CACNA2D2: variants seen among roughly 807,000 people sequenced by gnomAD.
CACNA2D2 encodes the protein calcium voltage-gated channel auxiliary subunit alpha2delta 2.
In CACNA2D2, 48 loss-of-function variants were observed where a neutral mutation model predicts 166.4. That is an observed-to-expected ratio of 0.29 (90% CI 0.23 to 0.37). The LOEUF (loss-of-function observed/expected upper bound fraction) is 0.37, where lower values mean the gene tolerates loss of function less well. Ranked by LOEUF, CACNA2D2 falls within the 10% of genes least tolerant of loss-of-function variation. CACNA2D2 has a pLI of 1.00. For missense variants in CACNA2D2, 1,122 were observed against 1,433.0 expected, an observed-to-expected ratio of 0.78 and a Z score of 3.50; for synonymous variants, 561 against 573.7, an observed-to-expected ratio of 0.98 and a Z score of 0.32.
At chr3:50,422,412 TC>T (rs1342648343) in intron 3 of CACNA2D2, among the ~76,000 whole-genome samples, 1 of 152,096 alleles carries the variant, frequency 6.6e-6, no homozygotes, top group Non-Finnish European at 1.5e-5. Context: ...ACTCCCTCCT[TC>T]CCTCTAGCCT....
chr3:50,392,544 G>A (rs1705937073), intron 4 of CACNA2D2, among the ~76,000 whole-genome samples: 1 of 152,208 alleles, frequency 6.6e-6, no homozygotes, highest in South Asian at 2.1e-4. Flanking sequence ...CACAGCTGGG[G>A]GCACCTCAGG....
At chr3:50,485,448 A>G (rs1432108712) in intron 1 of CACNA2D2, among the ~76,000 whole-genome samples, 1 of 152,238 alleles carries the variant, frequency 6.6e-6, no homozygotes, top group Non-Finnish European at 1.5e-5. Flanking sequence ...CTAATATGTA[A>G]CTGGTGAGGT....
At chr3:50,386,941 A>G (rs1705640244) in intron 5 of CACNA2D2, among the ~76,000 whole-genome samples, 2 of 152,200 alleles carry the variant, frequency 1.3e-5, no homozygotes, top group Admixed American at 6.5e-5. Flanking sequence ...CTCCCCTGCA[A>G]ATAGTCATAC....
chr3:50,377,554 G>A lies in CACNA2D2; in HGVS notation c.1552-13C>T. On this transcript the variant is annotated splice_polypyrimidine_tract_variant and intron_variant, in intron 16 of 37. Transcript: ENST00000424201. ...GGATCAGCTGGTTCTGGGAGCAGAA[G>A]CATGGGGGGCTCCTCAGTGAGCTCA... 1 of 1,612,088 alleles carries A rather than the reference G, an allele frequency of 6.2e-7. No homozygotes were observed. The highest frequency in any genetic ancestry group is 1.1e-5 in the South Asian group (1 of 91,056).
intron 1 of CACNA2D2, among the ~76,000 whole-genome samples, chr3:50,483,777 T>C (rs1296082148): frequency 1.3e-5 from 2 of 152,126 alleles, no homozygotes; most frequent in Admixed American, 6.5e-5. Flanking sequence ...TAGGGATCCA[T>C]ATCTCAAGGG....
chr3:50,501,616 C>T (rs1698967315), intron 1 of CACNA2D2, among the ~76,000 whole-genome samples: 1 of 152,100 alleles, frequency 6.6e-6, no homozygotes, highest in African/African-American at 2.4e-5. Context: ...ACCAACTGCA[C>T]GTTGCAGGGA....
chr3:50,493,042 C>T (rs555755705), intron 1 of CACNA2D2, among the ~76,000 whole-genome samples: 1 of 152,352 alleles, frequency 6.6e-6, no homozygotes, highest in South Asian at 2.1e-4. Context: ...CTTGTAGTGA[C>T]TGATGTGGTT....
At chr3:50,486,804 A>G (rs950459281) in intron 1 of CACNA2D2, among the ~76,000 whole-genome samples, 1 of 152,212 alleles carries the variant, frequency 6.6e-6, no homozygotes, top group Admixed American at 6.5e-5. Flanking sequence ...AGCCTGGCCA[A>G]AAAGAGTTCT....
At chr3:50,387,426 T>C (rs767352760) in intron 5 of CACNA2D2, 142 bp downstream of exon 5, 19 of 737,948 alleles carry the variant, frequency 2.6e-5, no homozygotes, top group Non-Finnish European at 4.4e-5. Context: ...TAGGGAGTTG[T>C]GGGAGGTGGA....
intron 2 of CACNA2D2, among the ~76,000 whole-genome samples, chr3:50,450,795 C>G (rs1451079444): frequency 6.6e-6 from 1 of 152,144 alleles, no homozygotes; most frequent in Non-Finnish European, 1.5e-5. Flanking sequence ...CCCACAGTCA[C>G]ATCCGCAAGA....
chr3:50,415,337 T>C (rs973444655), intron 3 of CACNA2D2, among the ~76,000 whole-genome samples: 2 of 152,192 alleles, frequency 1.3e-5, no homozygotes, highest in Middle Eastern at 3.2e-3. Flanking sequence ...GGTTTGACTA[T>C]GGATGAGCTT....
At chr3:50,501,879 AC>A (rs1401686478) in intron 1 of CACNA2D2, among the ~76,000 whole-genome samples, 1 of 152,100 alleles carries the variant, frequency 6.6e-6, no homozygotes, top group Non-Finnish European at 1.5e-5. Context: ...TCCCTGGGCA[AC>A]CCCCAAACAC....
chr3:50,502,592 CCCCAACGCCTTCACCT>C (rs1264286710), intron 1 of CACNA2D2, among the ~76,000 whole-genome samples: 8 of 152,218 alleles, frequency 5.3e-5, no homozygotes, highest in Non-Finnish European at 2.9e-5. Flanking sequence ...TCTGCCCGGA[CCCCAACGCCTTCACCT>C]CCCAACTGGG....
chr3:50,427,531 A>G lies in CACNA2D2; in HGVS notation c.405+6782T>C, dbSNP rs1327580252. ...CTGCGGCTCCTTTCCAGAGCAGGAG[A>G]GTGGAAGGGTCAAGATCTCTTAATG... On this transcript the variant is annotated intron_variant, in intron 3 of 37. Coordinates refer to ENST00000424201, the MANE Select transcript of CACNA2D2 (RefSeq NM_006030.4). The surrounding 1 kb of genome is among the most constrained non-coding windows in gnomAD (Gnocchi z 4.7). 2.0e-5 allele frequency among the ~76,000 whole-genome samples: 3 copies of G among 152,154 alleles called. No homozygotes were observed. Among genetic ancestry groups the G allele is most frequent in the African/African-American group, 7.2e-5 (3 of 41,446 alleles).
intron 37 of CACNA2D2, 28 bp from the exon 38 acceptor site, chr3:50,364,834 G>A (rs1704137260): frequency 6.2e-7 from 1 of 1,612,966 alleles, no homozygotes. Context: ...GAGCTGGTCG[G>A]CCTGGGCGGG....
At chr3:50,461,757 A>G (rs964828160) in intron 2 of CACNA2D2, among the ~76,000 whole-genome samples, 1 of 145,978 alleles carries the variant, frequency 6.9e-6, no homozygotes, top group African/African-American at 2.5e-5. Flanking sequence ...AAAAAAAAAA[A>G]AAAAAAGAAA....
intron 2 of CACNA2D2, among the ~76,000 whole-genome samples, chr3:50,446,478 T>G (rs1245661229): frequency 6.6e-6 from 1 of 152,178 alleles, no homozygotes; most frequent in African/African-American, 2.4e-5. Context: ...AGCAGCTGTC[T>G]CCAGCCTGTG....
At chr3:50,405,734 C>T (rs1392660426) in intron 3 of CACNA2D2, among the ~76,000 whole-genome samples, 2 of 152,144 alleles carry the variant, frequency 1.3e-5, no homozygotes, top group Non-Finnish European at 2.9e-5. Context: ...CCCACTGGCC[C>T]CCCCATACAA....
At chr3:50,440,160 C>T (rs547602201) in intron 2 of CACNA2D2, among the ~76,000 whole-genome samples, 40 of 152,316 alleles carry the variant, frequency 2.6e-4, no homozygotes, top group South Asian at 2.1e-3. Flanking sequence ...CACAAAAACC[C>T]TAATCTGGCT....
Sources: allele counts gnomAD v4.1 joint callset (sites outside exome capture counted in the v4.1 genomes callset), GRCh38; gene constraint gnomAD v4.1.1; non-coding constraint Gnocchi (gnomAD v3.1); transcripts MANE v1.5; gene names NCBI Gene and HGNC (gene_info 2026-07-23, HGNC 2026-07-21).